Variants in CLASRP observed in about 807,000 individuals in gnomAD.
CLASRP encodes CLK4-associating serine/arginine rich protein.
A neutral mutation model predicts 99.9 loss-of-function variants in CLASRP; 52 were observed. That is an observed-to-expected ratio of 0.52 (90% CI 0.42 to 0.66). CLASRP has a LOEUF of 0.66. Ranked by LOEUF, CLASRP falls within the 30% of genes least tolerant of loss-of-function variation. CLASRP has a pLI of 0.00. For missense variants in CLASRP, 848 were observed against 999.2 expected, an observed-to-expected ratio of 0.85 and a Z score of 2.04; for synonymous variants, 379 against 373.0, an observed-to-expected ratio of 1.02 and a Z score of -0.18.
In CLASRP at chr19:45,052,094, G is replaced by T. The variant is rs146072562; in HGVS notation, c.123G>T (p.Leu41=). The change falls in exon 3 of 21, where the codon CTG becomes CTT. Residue 41 remains leucine, a synonymous_variant. Transcript: ENST00000221455. ...EKIKKDPAQF[L]QVHGRACKVH... ...AGAAGAAGGACCCAGCCCAGTTCCT[G>T]CAGGTACATGGCCGAGCTTGCAAGG... The T allele has an allele frequency of 1.2e-5, 19 of 1,613,890 alleles. No individual in the cohort carries two copies. In the African/African-American group the frequency reaches 1.5e-4, roughly 12 times the overall value.
chr19:45,064,289 A>AG (rs1600111657), intron 12 of CLASRP, 54 bp from the exon 13 acceptor site: 13 of 1,512,680 alleles, frequency 8.6e-6, no homozygotes, highest in Non-Finnish European at 1.1e-5. Flanking sequence ...CCCGGGGCAG[A>AG]GGGGGGCCGC....
intron 7 of CLASRP, 77 bp from the exon 8 acceptor site, chr19:45,059,191 C>T (rs1342482533): frequency 1.7e-5 from 22 of 1,281,836 alleles, no homozygotes; most frequent in Admixed American, 4.0e-5. Flanking sequence ...CCATCATCCC[C>T]GCCTCCTGGA....
In CLASRP at chr19:45,060,774, TA is replaced by T. The variant is rs749005194; in HGVS notation, c.863+148del. ...GCGATGCATGGCCATCGTGAAGGTTTAGAGGTAGGAACGGCCTTGAGGGCCA... is the reference window on the plus strand; with the variant it reads ...GCGATGCATGGCCATCGTGAAGGTTTGAGGTAGGAACGGCCTTGAGGGCCA... On this transcript the variant is annotated intron_variant, in intron 10 of 20. Transcript: ENST00000221455. This position sits in a 1 kb window ranked among gnomAD's most constrained non-coding sequence, Gnocchi z 4.6. 176 of 684,830 alleles carry T rather than the reference TA, an allele frequency of 2.6e-4. No homozygotes were observed. The highest frequency in any genetic ancestry group is 4.0e-4 in the Non-Finnish European group (162 of 405,168). The allele number at this position is 684,830 out of a possible 1,614,324, so 42.4% of individuals were successfully genotyped here. A position where few individuals can be genotyped will look rare whatever the true frequency, so the allele number is the denominator to read the frequency against.
chr19:45,052,946 G>C (rs1399267481), intron 4 of CLASRP, 54 bp downstream of exon 4: 50 of 1,552,566 alleles, frequency 3.2e-5, no homozygotes, highest in Non-Finnish European at 3.7e-5. Flanking sequence ...AGGAGCCCCT[G>C]TTCTTTTCCC....
Position 45,070,858 on chromosome 19 carries a change from G to T in CLASRP, c.*13G>T, listed in dbSNP as rs773898880. The stretch of plus-strand genomic sequence containing the variant: ...TTACCGACATTAGGCAGAAGAGTGG[G>T]GGGTGGGGAGGACAAGGGGGTGGGT... On this transcript the variant is annotated 3_prime_UTR_variant, in exon 21 of 21. Transcript: ENST00000221455. 1 of 1,542,028 alleles carries T rather than the reference G, an allele frequency of 6.5e-7. No homozygotes were observed. Among genetic ancestry groups the T allele is most frequent in the Non-Finnish European group, 8.9e-7 (1 of 1,118,638 alleles).
At chr19:45,061,401 C>T (rs1238645865) in intron 10 of CLASRP, among the ~76,000 whole-genome samples, 2 of 152,016 alleles carry the variant, frequency 1.3e-5, no homozygotes, top group Non-Finnish European at 2.9e-5. Flanking sequence ...CCTTTATGAG[C>T]TACGTAATGC....
At chr19:45,041,342 A>G (rs1820948857) in intron 2 of CLASRP, among the ~76,000 whole-genome samples, 2 of 151,890 alleles carry the variant, frequency 1.3e-5, no homozygotes, top group African/African-American at 2.4e-5. Context: ...AGACCAAACT[A>G]TCCCTGGCCT....
At chr19:45,063,659 A>G (rs1002704771) in intron 11 of CLASRP, among the ~76,000 whole-genome samples, 1 of 151,764 alleles carries the variant, frequency 6.6e-6, no homozygotes, top group East Asian at 1.9e-4. Context: ...CTTGTTGGCC[A>G]GGCTGGTCTC....
chr19:45,049,746 C>T (rs971453200), intron 2 of CLASRP, among the ~76,000 whole-genome samples: 3 of 152,102 alleles, frequency 2.0e-5, no homozygotes, highest in African/African-American at 4.8e-5. Context: ...TGTTCTCAAG[C>T]GCCTGCTGTG....
chr19:45,041,599 G>A (rs111546271), intron 2 of CLASRP, among the ~76,000 whole-genome samples: 1,582 of 152,244 alleles, frequency 0.01, 40 homozygotes, highest in African/African-American at 0.036. Flanking sequence ...TGGTCTGCTG[G>A]CCTCCAGTCC....
In CLASRP at chr19:45,070,537, G is replaced by A. The variant is rs1040819018; in HGVS notation, c.1958G>A (p.Ser653Asn). 2 of 1,613,942 alleles carry A rather than the reference G, an allele frequency of 1.2e-6. No individual in the cohort carries two copies. The highest frequency in any genetic ancestry group is 1.7e-6 in the Non-Finnish European group (2 of 1,179,866). ...TCTTCACCTGTTGTTTTCTTTCCAG[G>A]TCGAGAATACAGCTCTTCTCGAAGG... ...RQSRSPSPRYSREYSSSRRRS... is the reference protein window; with the variant it reads ...RQSRSPSPRYNREYSSSRRRS... Residue 653 changes from serine to asparagine, a missense_variant and splice_region_variant, in exon 20 of 21, where the codon AGT (serine) becomes AAT (asparagine). By Grantham distance (46) the Ser-to-Asn change is conservative (BLOSUM62 1). Coordinates refer to ENST00000221455, the MANE Select transcript of CLASRP (RefSeq NM_007056.3).
At chr19:45,057,487 A>C (rs1972141451) in intron 6 of CLASRP, among the ~76,000 whole-genome samples, 1 of 152,156 alleles carries the variant, frequency 6.6e-6, no homozygotes, top group East Asian at 1.9e-4. Context: ...AACAGAGATG[A>C]CCCAACAAAG....
At chr19:45,058,838 C>T (rs1032689076) in intron 7 of CLASRP, among the ~76,000 whole-genome samples, 2 of 151,948 alleles carry the variant, frequency 1.3e-5, no homozygotes, top group Non-Finnish European at 2.9e-5. Context: ...ATCTTTCCGC[C>T]CCTGTTCAGT....
rs978836582 is a variant in CLASRP at position 45,067,374 on chromosome 19, G to A, written c.1447G>A (p.Gly483Ser). ...SHSGDRYRRGGRGLRHHSSSR... is the reference protein window; with the variant it reads ...SHSGDRYRRGSRGLRHHSSSR... ...CTCAGGGGACCGCTACAGGCGGGGCGGCCGGGGCCTCAGGCACCACAGCAG... is the reference window on the plus strand; with the variant it reads ...CTCAGGGGACCGCTACAGGCGGGGCAGCCGGGGCCTCAGGCACCACAGCAG... Residue 483 changes from glycine (G) to serine (S), a missense_variant, in exon 14 of 21, where the codon GGC (glycine) becomes AGC (serine). Coordinates refer to ENST00000221455, the MANE Select transcript of CLASRP (RefSeq NM_007056.3). The surrounding 1 kb of genome is among the most constrained non-coding windows in gnomAD (Gnocchi z 4.9). The A allele has an allele frequency of 2.6e-5, 40 of 1,529,168 alleles. No homozygotes were observed. Among genetic ancestry groups the A allele is most frequent in the South Asian group, 7.2e-5 (6 of 82,842 alleles). The allele number at this position is 1,529,168 out of a possible 1,614,324, so 94.7% of individuals were successfully genotyped here.
chr19:45,068,309 T>TGTGCCCCCCCCCCCCC, intron 15 of CLASRP, 111 bp from the exon 16 acceptor site: 2 of 651,144 alleles, frequency 3.1e-6, no homozygotes. Context: ...CCCACGTCGT[T>TGTGCCCCCCCCCCCCC]CTCCCCCCCC....
chr19:45,054,117 G>A (rs541760528), intron 5 of CLASRP, among the ~76,000 whole-genome samples: 1 of 152,244 alleles, frequency 6.6e-6, no homozygotes, highest in Non-Finnish European at 1.5e-5. Flanking sequence ...AGGAAACAGA[G>A]GCTCAGGGAA....
intron 5 of CLASRP, among the ~76,000 whole-genome samples, chr19:45,053,597 G>A (rs528850163): frequency 6.6e-6 from 1 of 152,078 alleles, no homozygotes; most frequent in South Asian, 2.1e-4. Context: ...TCCTGCCTCA[G>A]CCTCCTGAGT....
At chr19:45,062,117 A>T (rs1473595871) in intron 10 of CLASRP, 37 bp from the exon 11 acceptor site, 2 of 1,262,374 alleles carry the variant, frequency 1.6e-6, no homozygotes, top group Admixed American at 1.7e-5. Flanking sequence ...TGAGATCTTA[A>T]GCCCTAATTT....
chr19:45,058,428 C>T (rs908053871), intron 7 of CLASRP, among the ~76,000 whole-genome samples: 2 of 151,972 alleles, frequency 1.3e-5, no homozygotes, highest in Admixed American at 6.6e-5. Context: ...GCTCTGTTAC[C>T]GGGCTGGAGT....
Sources: allele counts gnomAD v4.1 joint callset (sites outside exome capture counted in the v4.1 genomes callset), GRCh38; gene constraint gnomAD v4.1.1; non-coding constraint Gnocchi (gnomAD v3.1); transcripts MANE v1.5; gene names NCBI Gene and HGNC (gene_info 2026-07-23, HGNC 2026-07-21).